PDGFD: variants seen among roughly 807,000 people sequenced by gnomAD.
PDGFD encodes platelet-derived growth factor D.
Under a neutral mutation model 44.7 loss-of-function variants are expected in PDGFD, and 30 were observed. That is an observed-to-expected ratio of 0.67 (90% CI 0.50 to 0.91). The LOEUF is 0.91. Ranked by LOEUF, PDGFD falls within the 40% of genes least tolerant of loss-of-function variation. The pLI is 0.00. For synonymous variants in PDGFD, 173 were observed against 168.4 expected (o/e 1.03, Z -0.21); for missense variants, 445 against 457.8 (o/e 0.97, Z 0.25).
At chr11:104,097,793 A>G (rs1861307609) in intron 1 of PDGFD, among the ~76,000 whole-genome samples, 1 of 152,174 alleles carries the variant, frequency 6.6e-6, no homozygotes, top group African/African-American at 2.4e-5. Flanking sequence ...CTGTCCAACT[A>G]CTTAACAAAT....
intron 1 of PDGFD, among the ~76,000 whole-genome samples, chr11:104,069,285 C>T (rs1157913732): frequency 6.6e-6 from 1 of 152,142 alleles, no homozygotes; most frequent in African/African-American, 2.4e-5. Flanking sequence ...ACACTTTTGG[C>T]AGGAATACCA....
At chr11:104,037,700 T>C in intron 1 of PDGFD, 1 of 1,613,904 alleles carries the variant, frequency 6.2e-7, no homozygotes, top group Non-Finnish European at 8.5e-7. Context: ...GCTAAAGGAG[T>C]GGGCACACAG....
At chr11:104,053,647 G>A (rs546250239) in intron 1 of PDGFD, among the ~76,000 whole-genome samples, 1 of 152,284 alleles carries the variant, frequency 6.6e-6, no homozygotes, top group South Asian at 2.1e-4. Flanking sequence ...TAAATTGGGA[G>A]GGGGCAAATC....
intron 1 of PDGFD, among the ~76,000 whole-genome samples, chr11:104,003,961 T>C (rs908881505): frequency 2.6e-5 from 4 of 151,944 alleles, no homozygotes; most frequent in South Asian, 2.1e-4. Flanking sequence ...AAGGACAGAG[T>C]GGTCAATAAA....
intron 5 of PDGFD, 53 bp from the exon 6 acceptor site, chr11:103,927,179 C>T: frequency 6.7e-7 from 1 of 1,499,272 alleles, no homozygotes; most frequent in Non-Finnish European, 9.3e-7. Flanking sequence ...AGCACAATTG[C>T]TCAGCATGTG....
chr11:104,017,992 T>A (rs1373013921), intron 1 of PDGFD, among the ~76,000 whole-genome samples: 1 of 152,090 alleles, frequency 6.6e-6, no homozygotes, highest in Non-Finnish European at 1.5e-5. Flanking sequence ...ATTAAAAAAA[T>A]ACAGTACCTT....
intron 1 of PDGFD, among the ~76,000 whole-genome samples, chr11:104,127,393 G>A (rs1463115177): frequency 2.6e-5 from 4 of 152,070 alleles, no homozygotes; most frequent in African/African-American, 7.2e-5. Flanking sequence ...TATGCAACAA[G>A]TCAGAAAACC....
At chr11:104,025,965 C>G (rs145504694) in intron 1 of PDGFD, among the ~76,000 whole-genome samples, 5 of 152,284 alleles carry the variant, frequency 3.3e-5, no homozygotes, top group African/African-American at 9.6e-5. Context: ...TCTACAAAGG[C>G]CCTCAGATGG....
intron 1 of PDGFD, among the ~76,000 whole-genome samples, chr11:104,098,823 T>C (rs1172865785): frequency 6.6e-6 from 1 of 152,150 alleles, no homozygotes; most frequent in Non-Finnish European, 1.5e-5. Context: ...CTTATTTGTA[T>C]TCGCTAAATA....
rs77595587 is a variant in PDGFD, at chr11:104,109,202, A to T, written c.124+54602T>A. On this transcript the variant is annotated intron_variant, in intron 1 of 6. Coordinates refer to ENST00000393158, the MANE Select transcript of PDGFD (RefSeq NM_025208.5). ...GCACCCTAGAACTTAAAGTATAATT[A>T]AAAAAAAAAGAATGCATAACTAACA... is the stretch of plus-strand genomic sequence containing the variant. Among the ~76,000 whole-genome samples, 21 of 123,958 alleles carry T rather than the reference A, an allele frequency of 1.7e-4. No homozygotes were observed. In the East Asian group the frequency reaches 5.9e-3, roughly 35 times the overall value. The allele number at this position is 123,958 out of a possible 152,430, so 81.3% of individuals were successfully genotyped here. A position where few individuals can be genotyped will look rare whatever the true frequency, so the allele number is the denominator to read the frequency against.
Position 103,922,207 on chromosome 11 carries a change from T to C in PDGFD, c.987+4705A>G, listed in dbSNP as rs992568241. On this transcript the variant is annotated intron_variant, in intron 6 of 6. Coordinates refer to ENST00000393158, the MANE Select transcript of PDGFD (RefSeq NM_025208.5). ...TAGGTCACTATACTTTTAGGAAATA[T>C]CCTCTTCCTTCATTATACACTATCA... is the stretch of plus-strand genomic sequence containing the variant. Among the ~76,000 whole-genome samples the C allele has an allele frequency of 2.6e-5, 4 of 152,322 alleles. No individual in the cohort carries two copies. The South Asian group carries it at 6.2e-4, about 24-fold the overall frequency.
intron 3 of PDGFD, among the ~76,000 whole-genome samples, chr11:103,955,970 A>G (rs563858550): frequency 4.3e-4 from 65 of 152,166 alleles, no homozygotes; most frequent in Middle Eastern, 6.8e-3. Flanking sequence ...TAGTGTCAAG[A>G]TATTTTTAAA....
chr11:104,076,212 G>A (rs1296107038), intron 1 of PDGFD, among the ~76,000 whole-genome samples: 3 of 152,116 alleles, frequency 2.0e-5, no homozygotes, highest in Non-Finnish European at 1.5e-5. Context: ...AGCCTCCCCA[G>A]CCTTGCTGAA....
chr11:103,999,244 G>C (rs1163944353), intron 2 of PDGFD, among the ~76,000 whole-genome samples: 2 of 151,996 alleles, frequency 1.3e-5, no homozygotes, highest in Non-Finnish European at 2.9e-5. Flanking sequence ...AAATAAACCC[G>C]CTGAAAGGAT....
At chr11:104,137,571 C>CT (rs1036918490) in intron 1 of PDGFD, among the ~76,000 whole-genome samples, 4 of 152,068 alleles carry the variant, frequency 2.6e-5, no homozygotes, top group African/African-American at 9.7e-5. Context: ...GTATTCCATA[C>CT]TTTACAATGT....
In PDGFD at chr11:104,103,525, G is replaced by A. The variant is rs1473791795; in HGVS notation, c.124+60279C>T. On this transcript the variant is annotated intron_variant, in intron 1 of 6. Transcript: ENST00000393158. ...ATATGCTTATATCTAAATATATATG[G>A]AAGGATCTACCCAATATTGTGAAAA... Among the ~76,000 whole-genome samples the A allele has an allele frequency of 1.8e-4, 26 of 142,534 alleles. No homozygotes were observed. The Admixed American group carries it at 1.9e-3, about 10-fold the overall frequency. 93.5% of individuals were successfully genotyped at this position (142,534 alleles called of 152,430 possible).
chr11:103,981,193 T>C (rs1354195017), intron 3 of PDGFD, among the ~76,000 whole-genome samples: 1 of 151,536 alleles, frequency 6.6e-6, no homozygotes, highest in Admixed American at 6.6e-5. Context: ...GTGTGCCTGT[T>C]ACAAAAAGTC....
intron 1 of PDGFD, among the ~76,000 whole-genome samples, chr11:104,106,097 A>G (rs1861468502): frequency 1.3e-5 from 2 of 152,132 alleles, no homozygotes; most frequent in African/African-American, 4.8e-5. Context: ...TATATTAGAA[A>G]CTTATATTTC....
At position 104,042,790 on chromosome 11, in the gene PDGFD, C is replaced by A. The variant is rs564209304; in HGVS notation, c.125-42535G>T. On this transcript the variant is annotated intron_variant, in intron 1 of 6. Coordinates refer to ENST00000393158, the MANE Select transcript of PDGFD (RefSeq NM_025208.5). ...CCATTAAATTCTTACCCTACACCAT[C>A]AATCACCATTTTGAAACCTTACTTT... Among the ~76,000 whole-genome samples the A allele has an allele frequency of 7.2e-5, 11 of 152,308 alleles. No individual in the cohort carries two copies. The South Asian group carries it at 2.3e-3, about 32-fold the overall frequency.
Sources: allele counts gnomAD v4.1 joint callset (sites outside exome capture counted in the v4.1 genomes callset), GRCh38; gene constraint gnomAD v4.1.1; transcripts MANE v1.5; gene names NCBI Gene and HGNC (gene_info 2026-07-23, HGNC 2026-07-21).